UGT1A9: variants seen among roughly 807,000 people sequenced by gnomAD.
The protein encoded by UGT1A9 is UDP glucuronosyltransferase family 1 member A9.
A neutral mutation model predicts 45.0 loss-of-function variants in UGT1A9; 35 were observed. The ratio of observed to expected loss-of-function variants is 0.78; its 90% CI spans 0.59 to 1.03. The LOEUF (loss-of-function observed/expected upper bound fraction) is 1.03, where lower values mean the gene tolerates loss of function less well. Ranked by LOEUF, UGT1A9 falls within the 50% of genes least tolerant of loss-of-function variation. The pLI is 0.00. For synonymous variants in UGT1A9, 278 were observed against 250.6 expected, an observed-to-expected ratio of 1.11 and a Z score of -1.03; for missense variants, 687 against 666.6, an observed-to-expected ratio of 1.03 and a Z score of -0.34.
Position 233,757,535 on chromosome 2 carries a change from A to AATATATATATATATATATAT in UGT1A9, c.856-9492_856-9473dup, listed in dbSNP as rs67292694. Among the ~76,000 whole-genome samples the AATATATATATATATATATAT allele has an allele frequency of 6.1e-3, 541 of 88,064 alleles. 3 individuals are homozygous for AATATATATATATATATATAT. The highest frequency in any genetic ancestry group is 0.013 in the East Asian group (47 of 3,574). The allele number at this position is 88,064 out of a possible 152,430, so 57.8% of individuals were successfully genotyped here. On this transcript the variant is annotated intron_variant, in intron 1 of 4. Coordinates refer to ENST00000354728, the MANE Select transcript of UGT1A9 (RefSeq NM_021027.3). ...CAAAGCCAAAATCTTGCCTGTAAGG[A>AATATATATATATATATATAT]ATATATATATATATATATATATATA...
chr2:233,758,383 T>C (rs1384884444), intron 1 of UGT1A9, among the ~76,000 whole-genome samples: 2 of 152,192 alleles, frequency 1.3e-5, no homozygotes, highest in East Asian at 3.8e-4. Context: ...AGTGGTGACT[T>C]ATGTGTTTAT....
At chr2:233,755,174 G>A (rs868590389) in intron 1 of UGT1A9, 74 of 1,248,738 alleles carry the variant, frequency 5.9e-5, no homozygotes, top group Non-Finnish European at 7.6e-5. Flanking sequence ...GGTTTTTGTC[G>A]GGGTGCCACT....
chr2:233,698,773 A>G (rs2075461465), intron 1 of UGT1A9, among the ~76,000 whole-genome samples: 1 of 152,240 alleles, frequency 6.6e-6, no homozygotes, highest in Non-Finnish European at 1.5e-5. Context: ...AAGAAAGAGT[A>G]TCCTTTCTCA....
At chr2:233,768,582 CTTTTTTTTT>C (rs139595073) in intron 4 of UGT1A9, 143 bp downstream of exon 4, 1,382 of 1,030,410 alleles carry the variant, frequency 1.3e-3, no homozygotes, top group Middle Eastern at 4.4e-3. Flanking sequence ...TTTATTTCTT[CTTTTTTTTT>C]TTTTTTTTTT....
chr2:233,680,923 AT>A (rs1460071710), intron 1 of UGT1A9, among the ~76,000 whole-genome samples: 1 of 152,074 alleles, frequency 6.6e-6, no homozygotes, highest in Non-Finnish European at 1.5e-5. Flanking sequence ...GAGGAAAGCC[AT>A]TTAAAATAGG....
At chr2:233,733,488 A>G (rs1340566594) in intron 1 of UGT1A9, among the ~76,000 whole-genome samples, 1 of 152,156 alleles carries the variant, frequency 6.6e-6, no homozygotes, top group African/African-American at 2.4e-5. Context: ...TTCCATCAAT[A>G]CCTAGTTTAT....
chr2:233,700,628 T>G (rs1178999568), intron 1 of UGT1A9, among the ~76,000 whole-genome samples: 1 of 152,192 alleles, frequency 6.6e-6, no homozygotes, highest in African/African-American at 2.4e-5. Flanking sequence ...TCCAGTAAGA[T>G]TTAATGACTT....
At chr2:233,693,425 G>C in intron 1 of UGT1A9, 1 of 1,614,078 alleles carries the variant, frequency 6.2e-7, no homozygotes, top group South Asian at 1.1e-5. Flanking sequence ...CTTCTTTAAG[G>C]AGAGCAAGTT....
chr2:233,740,777 G>C (rs541057948), intron 1 of UGT1A9: 2 of 151,918 alleles, frequency 1.3e-5, no homozygotes, highest in South Asian at 4.2e-4. Flanking sequence ...TTGTATAAAA[G>C]ATGAATACCC....
chr2:233,697,384 C>T (rs2075388171), intron 1 of UGT1A9, among the ~76,000 whole-genome samples: 1 of 152,004 alleles, frequency 6.6e-6, no homozygotes, highest in Non-Finnish European at 1.5e-5. Context: ...ACAATAATCG[C>T]TAATGATCCT....
chr2:233,729,681 A>C (rs200127379), intron 1 of UGT1A9: 1 of 1,613,946 alleles, frequency 6.2e-7, no homozygotes. Flanking sequence ...TTAAGGGCAC[A>C]CAGTGTCCAA....
At chr2:233,758,423 G>A (rs1305067521) in intron 1 of UGT1A9, among the ~76,000 whole-genome samples, 1 of 152,182 alleles carries the variant, frequency 6.6e-6, no homozygotes, top group Non-Finnish European at 1.5e-5. Flanking sequence ...ATCTGCAAAT[G>A]AACTCACACA....
At chr2:233,740,949 T>G (rs1205876096) in intron 1 of UGT1A9, 9 of 151,554 alleles carry the variant, frequency 5.9e-5, no homozygotes, top group Non-Finnish European at 1.0e-4. Context: ...ATTAGCTAGG[T>G]GTGGTAGCAT....
chr2:233,758,044 A>G (rs1696783059), intron 1 of UGT1A9, among the ~76,000 whole-genome samples: 1 of 152,170 alleles, frequency 6.6e-6, no homozygotes, highest in African/African-American at 2.4e-5. Context: ...CTTTCAGGCA[A>G]GGACCATTTC....
intron 1 of UGT1A9, among the ~76,000 whole-genome samples, chr2:233,695,933 C>T (rs891673368): frequency 9.9e-5 from 15 of 152,070 alleles, no homozygotes; most frequent in African/African-American, 3.6e-4. Context: ...AGCAAGCAGG[C>T]AATTCTGCCA....
intron 1 of UGT1A9, chr2:233,718,890 C>T (rs6755571): frequency 2.5e-6 from 4 of 1,613,968 alleles, no homozygotes; most frequent in East Asian, 2.2e-5. Flanking sequence ...CAGTGTCCAG[C>T]CCTGGGCTGA....
chr2:233,741,653 G>T (rs1248296818), intron 1 of UGT1A9: 1 of 151,908 alleles, frequency 6.6e-6, no homozygotes, highest in African/African-American at 2.4e-5. Flanking sequence ...CCAGCTGACT[G>T]CCATGTTCCT....
rs531889004 is a variant in UGT1A9 at position 233,731,047 on chromosome 2, T to C, written c.856-35987T>C. Among the ~76,000 whole-genome samples, 5 of 152,366 alleles carry C rather than the reference T, an allele frequency of 3.3e-5. No homozygotes were observed. In the East Asian group the frequency reaches 5.8e-4, roughly 18 times the overall value. On this transcript the variant is annotated intron_variant, in intron 1 of 4. Transcript: ENST00000354728. ...GCCTTTTTATGTCATATTCACCGAA[T>C]GTGTATGAACTTCCATGATTTAGAT...
At chr2:233,761,183 A>C in intron 1 of UGT1A9, 1 of 1,614,192 alleles carries the variant, frequency 6.2e-7, no homozygotes, top group East Asian at 2.2e-5. Flanking sequence ...TTACATGCGT[A>C]TATTCTTTCA....
Sources: allele counts gnomAD v4.1 joint callset (sites outside exome capture counted in the v4.1 genomes callset), GRCh38; gene constraint gnomAD v4.1.1; transcripts MANE v1.5; gene names NCBI Gene and HGNC (gene_info 2026-07-23, HGNC 2026-07-21).